ZCWPW2: variants seen among roughly 807,000 people sequenced by gnomAD.
ZCWPW2 encodes zinc finger CW-type PWWP domain protein 2.
ZCWPW2 carries 45 observed loss-of-function variants against 46.6 expected under a neutral mutation model. The ratio of observed to expected loss-of-function variants is 0.96; its 90% CI spans 0.76 to 1.24. The LOEUF (loss-of-function observed/expected upper bound fraction) is 1.24. ZCWPW2 is among the 50% of genes most tolerant of loss of function. The pLI is 0.00. For missense variants in ZCWPW2, 429 were observed against 403.9 expected (o/e 1.06, Z -0.53); for synonymous variants, 152 against 137.1 (o/e 1.11, Z -0.76).
intron 1 of ZCWPW2, among the ~76,000 whole-genome samples, chr3:28,386,056 T>C (rs564204959): frequency 3.3e-4 from 51 of 152,264 alleles, no homozygotes; most frequent in Non-Finnish European, 5.1e-4. Flanking sequence ...CTTTTGCTTT[T>C]GTTGATTGTT....
intron 9 of ZCWPW2, among the ~76,000 whole-genome samples, chr3:28,522,908 G>A (rs1455278972): frequency 1.3e-5 from 2 of 152,060 alleles, no homozygotes; most frequent in Admixed American, 6.6e-5. Context: ...AATACCATAT[G>A]GTTTTGTGCA....
chr3:28,483,767 A>G (rs772381760), intron 5 of ZCWPW2, among the ~76,000 whole-genome samples: 1 of 152,042 alleles, frequency 6.6e-6, no homozygotes, highest in Non-Finnish European at 1.5e-5. Flanking sequence ...ATGTGTTTTC[A>G]TTTCAAATTC....
chr3:28,397,504 T>TA, intron 2 of ZCWPW2, among the ~76,000 whole-genome samples: 1 of 152,246 alleles, frequency 6.6e-6, no homozygotes, highest in Middle Eastern at 3.4e-3. Flanking sequence ...ACCCTGTCTC[T>TA]ACTAAAAATC....
At chr3:28,399,101 T>C (rs779891433) in intron 2 of ZCWPW2, among the ~76,000 whole-genome samples, 63 of 152,272 alleles carry the variant, frequency 4.1e-4, no homozygotes, top group Non-Finnish European at 7.1e-4. Flanking sequence ...GCTGGGGGCA[T>C]GGTGGGGGTG....
chr3:28,354,809 A>G (rs373291959), intron 1 of ZCWPW2, among the ~76,000 whole-genome samples: 17,187 of 78,000 alleles, frequency 0.22, 2,439 homozygotes, highest in Non-Finnish European at 0.29. Flanking sequence ...ACAACCCTTC[A>G]TGCTAAAAAC....
intron 1 of ZCWPW2, among the ~76,000 whole-genome samples, chr3:28,385,667 G>T (rs766111771): frequency 3.9e-5 from 6 of 152,152 alleles, no homozygotes; most frequent in Non-Finnish European, 7.4e-5. Flanking sequence ...AAAATTGATT[G>T]CTGTAGGCTC....
intron 6 of ZCWPW2, among the ~76,000 whole-genome samples, chr3:28,502,752 G>T (rs750444141): frequency 2.6e-5 from 4 of 152,144 alleles, no homozygotes; most frequent in Non-Finnish European, 4.4e-5. Context: ...GGTTGCAGTT[G>T]TAAGGGGCTG....
chr3:28,467,741 T>C (rs1321895970), intron 4 of ZCWPW2, among the ~76,000 whole-genome samples: 6 of 152,174 alleles, frequency 3.9e-5, no homozygotes, highest in African/African-American at 1.4e-4. Context: ...ACTCTATGAG[T>C]CTGCAAGAGC....
rs563539001 is a variant in ZCWPW2 at position 28,393,787 on chromosome 3, T to G, written c.-14+3170T>G. ...AAAATAGATATAGAAGGAATGCACTTCAACATCACAAAGGCTGTGTATCAC... is the reference window on the plus strand; with the variant it reads ...AAAATAGATATAGAAGGAATGCACTGCAACATCACAAAGGCTGTGTATCAC... On this transcript the variant is annotated intron_variant, in intron 2 of 9. Transcript: ENST00000383768. Among the ~76,000 whole-genome samples the G allele has an allele frequency of 1.9e-4, 29 of 152,216 alleles. No individual in the cohort carries two copies. The South Asian group carries it at 2.1e-3, about 11-fold the overall frequency.
At chr3:28,493,586 T>C (rs1699899132) in intron 6 of ZCWPW2, among the ~76,000 whole-genome samples, 2 of 110,222 alleles carry the variant, frequency 1.8e-5, no homozygotes, top group African/African-American at 5.9e-5. Context: ...TCTTTGCTAT[T>C]GTGAATAATG....
chr3:28,367,766 T>A (rs1705175970), intron 1 of ZCWPW2, among the ~76,000 whole-genome samples: 1 of 152,160 alleles, frequency 6.6e-6, no homozygotes, highest in Non-Finnish European at 1.5e-5. Context: ...CCCATTATTA[T>A]TGTGTGGGAG....
intron 1 of ZCWPW2, among the ~76,000 whole-genome samples, chr3:28,351,784 G>A (rs1261126004): frequency 1.3e-5 from 2 of 148,474 alleles, no homozygotes; most frequent in Non-Finnish European, 3.0e-5. Context: ...AGATAGATGT[G>A]GCTCTTGATT....
intron 1 of ZCWPW2, among the ~76,000 whole-genome samples, chr3:28,366,977 A>ATC (rs1705141750): frequency 1.3e-5 from 2 of 152,100 alleles, no homozygotes; most frequent in African/African-American, 4.8e-5. Flanking sequence ...TTTCTGTGGG[A>ATC]TCAGTGGTTA....
At chr3:28,481,054 A>T (rs545946366) in intron 5 of ZCWPW2, among the ~76,000 whole-genome samples, 1 of 151,848 alleles carries the variant, frequency 6.6e-6, no homozygotes, top group East Asian at 1.9e-4. Flanking sequence ...TTTAGTAGAG[A>T]TGGGGTTTCA....
At chr3:28,406,817 CT>C (rs1013096764) in intron 2 of ZCWPW2, among the ~76,000 whole-genome samples, 7 of 131,024 alleles carry the variant, frequency 5.3e-5, no homozygotes, top group South Asian at 2.3e-4. Context: ...ATTTCCTTTT[CT>C]TTTTTTTCTT....
chr3:28,466,807 A>G (rs1228130750), intron 4 of ZCWPW2, among the ~76,000 whole-genome samples: 1 of 152,202 alleles, frequency 6.6e-6, no homozygotes, highest in African/African-American at 2.4e-5. Context: ...CAAAATAAAA[A>G]TAAAAATAAA....
intron 1 of ZCWPW2, among the ~76,000 whole-genome samples, chr3:28,368,230 C>A (rs936578171): frequency 6.6e-6 from 1 of 152,126 alleles, no homozygotes; most frequent in Non-Finnish European, 1.5e-5. Context: ...GATGCAGTTT[C>A]TTCCTAGCCT....
chr3:28,372,001 C>G (rs1705350896), intron 1 of ZCWPW2, among the ~76,000 whole-genome samples: 1 of 151,512 alleles, frequency 6.6e-6, no homozygotes, highest in Non-Finnish European at 1.5e-5. Flanking sequence ...TGCTCCTCCT[C>G]TTTCTCCTCT....
intron 4 of ZCWPW2, among the ~76,000 whole-genome samples, chr3:28,462,071 TG>T (rs1336601585): frequency 2.0e-5 from 3 of 152,114 alleles, no homozygotes; most frequent in Non-Finnish European, 2.9e-5. Context: ...TTTTCTGTTG[TG>T]GTGGTCAAAA....
Sources: allele counts gnomAD v4.1 joint callset (sites outside exome capture counted in the v4.1 genomes callset), GRCh38; gene constraint gnomAD v4.1.1; transcripts MANE v1.5; gene names NCBI Gene and HGNC (gene_info 2026-07-23, HGNC 2026-07-21).